The following MACROD2 variants were observed in gnomAD, a reference collection of about 807,000 sequenced individuals.
MACROD2 encodes the protein mono-ADP ribosylhydrolase 2, also known as ADP-ribose glycohydrolase MACROD2.
Under a neutral mutation model 70.4 loss-of-function variants are expected in MACROD2, and 36 were observed. The ratio of observed to expected loss-of-function variants is 0.51; its 90% CI spans 0.39 to 0.68. The LOEUF (loss-of-function observed/expected upper bound fraction) is 0.68. Ranked by LOEUF, MACROD2 falls within the 30% of genes least tolerant of loss-of-function variation. The pLI is 0.00. For synonymous variants in MACROD2, 172 were observed against 178.8 expected, an observed-to-expected ratio of 0.96 and a Z score of 0.30; for missense variants, 496 against 538.4, an observed-to-expected ratio of 0.92 and a Z score of 0.78.
chr20:15,165,131 G>A (rs1046309143), intron 5 of MACROD2, among the ~76,000 whole-genome samples: 5 of 151,940 alleles, frequency 3.3e-5, no homozygotes, highest in South Asian at 2.1e-4. Context: ...GAAAACAAGC[G>A]ACAAAAACAT....
At chr20:15,422,225 A>G (rs76758320) in intron 6 of MACROD2, among the ~76,000 whole-genome samples, 4,797 of 152,176 alleles carry the variant, frequency 0.032, 93 homozygotes, top group Middle Eastern at 0.054. Context: ...ACATGACACT[A>G]TTTAGTCTTT....
chr20:14,580,987 A>G (rs553197129), intron 4 of MACROD2, among the ~76,000 whole-genome samples: 1 of 152,198 alleles, frequency 6.6e-6, no homozygotes, highest in Non-Finnish European at 1.5e-5. Flanking sequence ...CTGGCAGTCC[A>G]CTGTGAGAAT....
At chr20:14,743,019 G>T (rs546859108) in intron 5 of MACROD2, among the ~76,000 whole-genome samples, 244 of 152,168 alleles carry the variant, frequency 1.6e-3, no homozygotes, top group African/African-American at 5.5e-3. Context: ...GCCCGCCTCG[G>T]CCTCCCAAAT....
intron 5 of MACROD2, among the ~76,000 whole-genome samples, chr20:15,165,423 T>A (rs1406693247): frequency 6.6e-6 from 1 of 152,210 alleles, no homozygotes; most frequent in South Asian, 2.1e-4. Flanking sequence ...GCCACTGCAC[T>A]CTAGCTTGGG....
At chr20:15,481,443 T>C (rs982208112) in intron 7 of MACROD2, among the ~76,000 whole-genome samples, 1 of 152,212 alleles carries the variant, frequency 6.6e-6, no homozygotes, top group Non-Finnish European at 1.5e-5. Context: ...TCACATTGTG[T>C]TTACATTCTA....
At chr20:15,391,705 C>G (rs2045794943) in intron 6 of MACROD2, among the ~76,000 whole-genome samples, 1 of 152,166 alleles carries the variant, frequency 6.6e-6, no homozygotes, top group Admixed American at 6.5e-5. Flanking sequence ...TCTTTTTCAC[C>G]TGTACAAGTT....
At chr20:15,019,696 GA>G (rs1156462508) in intron 5 of MACROD2, among the ~76,000 whole-genome samples, 2 of 151,702 alleles carry the variant, frequency 1.3e-5, no homozygotes, top group South Asian at 4.2e-4. Context: ...ACTAATAAAA[GA>G]AAAAAATGAA....
chr20:14,235,568 A>G (rs2081861592), intron 3 of MACROD2, among the ~76,000 whole-genome samples: 1 of 152,152 alleles, frequency 6.6e-6, no homozygotes, highest in African/African-American at 2.4e-5. Context: ...CTATGAAGAA[A>G]TACCTCATCC....
intron 3 of MACROD2, among the ~76,000 whole-genome samples, chr20:14,465,281 A>G (rs1193849046): frequency 6.6e-6 from 1 of 151,994 alleles, no homozygotes; most frequent in East Asian, 1.9e-4. Context: ...TCCCTTTACC[A>G]TTATGTAATG....
chr20:14,128,937 T>C (rs1379908123), intron 3 of MACROD2, among the ~76,000 whole-genome samples: 1 of 152,204 alleles, frequency 6.6e-6, no homozygotes, highest in African/African-American at 2.4e-5. Context: ...TTTCAAAATA[T>C]TACTTTTCAT....
intron 8 of MACROD2, among the ~76,000 whole-genome samples, chr20:15,772,099 A>T (rs1197526408): frequency 0.023 from 2,074 of 90,200 alleles, 17 homozygotes; most frequent in South Asian, 0.06. Flanking sequence ...AAAAAAAAAA[A>T]AAATATATAT....
chr20:14,738,276 G>A (rs2071691879), intron 5 of MACROD2, among the ~76,000 whole-genome samples: 1 of 151,940 alleles, frequency 6.6e-6, no homozygotes, highest in Non-Finnish European at 1.5e-5. Context: ...GATGTCTAAA[G>A]TCTGAATAAA....
intron 5 of MACROD2, among the ~76,000 whole-genome samples, chr20:14,929,132 C>T (rs965985709): frequency 6.6e-5 from 10 of 152,160 alleles, no homozygotes; most frequent in Admixed American, 2.6e-4. Flanking sequence ...ATTTTCTACA[C>T]ATTACAATTC....
At chr20:14,004,587 C>T (rs1399690735) in intron 2 of MACROD2, among the ~76,000 whole-genome samples, 1 of 151,896 alleles carries the variant, frequency 6.6e-6, no homozygotes, top group Non-Finnish European at 1.5e-5. Flanking sequence ...ATGACTTTTT[C>T]TTGTGTTACC....
chr20:15,034,265 G>T (rs1375985122), intron 5 of MACROD2, among the ~76,000 whole-genome samples: 1 of 152,168 alleles, frequency 6.6e-6, no homozygotes, highest in Non-Finnish European at 1.5e-5. Flanking sequence ...TACTTTCCAT[G>T]ACACCTCACG....
chr20:15,842,696 TG>T (rs1161157747), intron 8 of MACROD2, among the ~76,000 whole-genome samples: 2 of 129,724 alleles, frequency 1.5e-5, no homozygotes, highest in Admixed American at 8.3e-5. Context: ...GATGGTTGGA[TG>T]GGGGGTGGGT....
rs372094268 is a variant in MACROD2 at position 14,861,749 on chromosome 20, T to C, written c.418+176790T>C. ...GTAACTCACTCATGCCATCTTGGCATTGAGCTGGGCACTTTTAGGTGGAAT... is the reference window on the plus strand; with the variant it reads ...GTAACTCACTCATGCCATCTTGGCACTGAGCTGGGCACTTTTAGGTGGAAT... On this transcript the variant is annotated intron_variant, in intron 5 of 17. Transcript: ENST00000684519. Among the ~76,000 whole-genome samples, 131 of 150,528 alleles carry C rather than the reference T, an allele frequency of 8.7e-4. 1 individual carries two copies. The highest frequency in any genetic ancestry group is 2.9e-3 in the African/African-American group (121 of 41,036).
At chr20:15,976,110 TTA>T (rs1333480404) in intron 13 of MACROD2, among the ~76,000 whole-genome samples, 1 of 152,198 alleles carries the variant, frequency 6.6e-6, no homozygotes, top group Non-Finnish European at 1.5e-5. Flanking sequence ...AGCAATAAAA[TTA>T]TATTGTTGTT....
chr20:15,013,728 T>C (rs559735821), intron 5 of MACROD2, among the ~76,000 whole-genome samples: 2 of 152,260 alleles, frequency 1.3e-5, no homozygotes, highest in South Asian at 2.1e-4. Context: ...TTCCCTTCTA[T>C]GGCAGTGTAT....
Sources: gnomAD v4.1 joint callset for allele counts (sites outside exome capture counted in the v4.1 genomes callset) on GRCh38, gnomAD v4.1.1 for gene constraint, MANE v1.5 for transcripts, NCBI Gene and HGNC (gene_info 2026-07-23, HGNC 2026-07-21) for gene names.